Variants in ZNF827 observed in about 807,000 individuals in gnomAD.
ZNF827 encodes zinc finger protein 827.
ZNF827 carries 13 observed loss-of-function variants against 102.4 expected under a neutral mutation model. The observed-to-expected ratio is 0.13, with a 90% CI of 0.08 to 0.20. ZNF827 has a LOEUF of 0.20. Among genes scored for constraint, ZNF827 ranks in the 10% least tolerant of loss-of-function variants. The pLI is 1.00. For synonymous variants in ZNF827, 523 were observed against 536.2 expected, an observed-to-expected ratio of 0.98 and a Z score of 0.34; for missense variants, 1,103 against 1,344.4, an observed-to-expected ratio of 0.82 and a Z score of 2.81.
chr4:145,885,627 A>C, intron 4 of ZNF827, 51 bp downstream of exon 4: 1 of 1,474,792 alleles, frequency 6.8e-7, no homozygotes, highest in Non-Finnish European at 9.0e-7. Context: ...AGAGAGAGAG[A>C]GAGAGAGAGA....
intron 1 of ZNF827, among the ~76,000 whole-genome samples, chr4:145,920,949 G>A (rs1192611156): frequency 6.6e-6 from 1 of 152,178 alleles, no homozygotes; most frequent in Non-Finnish European, 1.5e-5. Context: ...CCCTTTAAAA[G>A]CTCACAGTCA....
intron 1 of ZNF827, among the ~76,000 whole-genome samples, chr4:145,926,905 C>G (rs1420427407): frequency 2.0e-5 from 3 of 151,288 alleles, no homozygotes; most frequent in Non-Finnish European, 4.4e-5. Flanking sequence ...GATCTAGTAG[C>G]CAACCCAAAC....
intron 8 of ZNF827, among the ~76,000 whole-genome samples, chr4:145,801,996 A>T (rs1480635934): frequency 6.6e-6 from 1 of 152,190 alleles, no homozygotes; most frequent in Non-Finnish European, 1.5e-5. Flanking sequence ...AATAAAGGCA[A>T]CACACTGGGG....
intron 7 of ZNF827, among the ~76,000 whole-genome samples, chr4:145,841,202 G>A (rs1000293822): frequency 6.6e-6 from 1 of 152,200 alleles, no homozygotes; most frequent in Non-Finnish European, 1.5e-5. Context: ...AGTTCATGGT[G>A]TTACACAACA....
chr4:145,928,644 A>C (rs1753596569), intron 1 of ZNF827, among the ~76,000 whole-genome samples: 1 of 152,210 alleles, frequency 6.6e-6, no homozygotes, highest in African/African-American at 2.4e-5. Flanking sequence ...TAACTGCAGT[A>C]ACTCGCTTGT....
intron 7 of ZNF827, among the ~76,000 whole-genome samples, chr4:145,828,899 C>A (rs1049717628): frequency 2.6e-5 from 4 of 152,156 alleles, no homozygotes; most frequent in African/African-American, 7.2e-5. Context: ...ATTGTGACAC[C>A]AGTATTTCCA....
In ZNF827 at chr4:145,762,617, C is replaced by G. The variant is rs773593748; in HGVS notation, c.*17+473G>C. ...GCTCCATCACCTTGTCAGGCTGGAG[C>G]TGGACACCCTAGCCTGGGCCTCTCT... On this transcript the variant is annotated intron_variant, in intron 14 of 14. Coordinates refer to ENST00000508784, the MANE Select transcript of ZNF827 (RefSeq NM_001306215.2). This position sits in a 1 kb window ranked among gnomAD's most constrained non-coding sequence, Gnocchi z 4.9. Among the ~76,000 whole-genome samples the G allele has an allele frequency of 1.3e-5, 2 of 152,242 alleles. No homozygotes were observed. The highest frequency in any genetic ancestry group is 6.5e-5 in the Admixed American group (1 of 15,298).
At chr4:145,816,900 A>T (rs1742644045) in intron 8 of ZNF827, among the ~76,000 whole-genome samples, 1 of 152,238 alleles carries the variant, frequency 6.6e-6, no homozygotes, top group Non-Finnish European at 1.5e-5. Flanking sequence ...ATGTTCCTGC[A>T]AACTAGAAGT....
intron 8 of ZNF827, among the ~76,000 whole-genome samples, chr4:145,806,907 A>G (rs934679581): frequency 1.3e-5 from 2 of 152,200 alleles, no homozygotes; most frequent in Non-Finnish European, 2.9e-5. Flanking sequence ...CAGTTCTTCT[A>G]TCACACCTGG....
At chr4:145,797,997 C>T (rs1199940989) in intron 8 of ZNF827, among the ~76,000 whole-genome samples, 3 of 152,070 alleles carry the variant, frequency 2.0e-5, no homozygotes, top group Non-Finnish European at 4.4e-5. Context: ...TCTCCCTCAC[C>T]GAATTTAAGA....
chr4:145,894,362 G>A (rs1189990309), intron 2 of ZNF827, among the ~76,000 whole-genome samples: 1 of 152,136 alleles, frequency 6.6e-6, no homozygotes, highest in Non-Finnish European at 1.5e-5. Flanking sequence ...GGAATCAGGA[G>A]GGAAACTTGT....
At chr4:145,796,487 T>C (rs968097967) in intron 8 of ZNF827, among the ~76,000 whole-genome samples, 4 of 152,110 alleles carry the variant, frequency 2.6e-5, no homozygotes, top group African/African-American at 9.7e-5. Context: ...TTTTGAAAAT[T>C]TGGTGTCACT....
intron 5 of ZNF827, among the ~76,000 whole-genome samples, chr4:145,868,259 G>A (rs1385640360): frequency 6.6e-6 from 1 of 152,170 alleles, no homozygotes; most frequent in Non-Finnish European, 1.5e-5. Flanking sequence ...CCACTGCCCT[G>A]GATTACTTCT....
At chr4:145,802,792 A>T (rs554609881) in intron 8 of ZNF827, among the ~76,000 whole-genome samples, 1 of 152,320 alleles carries the variant, frequency 6.6e-6, no homozygotes, top group South Asian at 2.1e-4. Context: ...AAAATTAAAA[A>T]GTTAGCTAGA....
rs1735996046 is a variant in ZNF827 at position 145,769,987 on chromosome 4, T to TA, written c.2861-4250dup. ...ACTTCTACTTTTAAATTGTTTCCAT[T>TA]AAGATTAAGAATAAAGACTCTAGAT... On this transcript the variant is annotated intron_variant, in intron 11 of 14. Coordinates refer to ENST00000508784, the MANE Select transcript of ZNF827 (RefSeq NM_001306215.2). 2.0e-5 allele frequency among the ~76,000 whole-genome samples: 3 copies of TA among 152,138 alleles called. No individual in the cohort carries two copies. The South Asian group carries it at 6.2e-4, about 32-fold the overall frequency.
intron 7 of ZNF827, among the ~76,000 whole-genome samples, chr4:145,825,149 C>A (rs1033693617): frequency 6.6e-6 from 1 of 152,154 alleles, no homozygotes; most frequent in Non-Finnish European, 1.5e-5. Flanking sequence ...AGTGTGACCA[C>A]GGGGCCTGGC....
In ZNF827 at chr4:145,936,834, C is replaced by G. The variant is rs931929317; in HGVS notation, c.43+1531G>C. Among the ~76,000 whole-genome samples the G allele has an allele frequency of 4.6e-5, 7 of 152,072 alleles. No homozygotes were observed. The South Asian group carries it at 1.2e-3, about 27-fold the overall frequency. ...CTGACACCCGGGCGGGCGGGCGCTC[C>G]GGCTCCACTCCCGCCCCCAGCCCGG... On this transcript the variant is annotated intron_variant, in intron 1 of 14. Transcript: ENST00000508784.
intron 1 of ZNF827, among the ~76,000 whole-genome samples, chr4:145,911,951 T>C (rs1163983208): frequency 6.6e-6 from 1 of 152,212 alleles, no homozygotes; most frequent in Non-Finnish European, 1.5e-5. Flanking sequence ...TAATTTTATA[T>C]AGGAAACCAA....
intron 7 of ZNF827, among the ~76,000 whole-genome samples, chr4:145,823,968 G>A (rs1743416608): frequency 6.6e-6 from 1 of 152,188 alleles, no homozygotes. Context: ...CACACATCAA[G>A]ACAGATGGCT....
Sources: gnomAD v4.1 joint callset for allele counts (sites outside exome capture counted in the v4.1 genomes callset) on GRCh38, gnomAD v4.1.1 for gene constraint, Gnocchi (gnomAD v3.1) non-coding constraint, MANE v1.5 for transcripts, NCBI Gene and HGNC (gene_info 2026-07-23, HGNC 2026-07-21) for gene names.